Variants in KCNAB2 observed in about 807,000 individuals in gnomAD.
KCNAB2 encodes the protein potassium voltage-gated channel subfamily A regulatory beta subunit 2.
A neutral mutation model predicts 63.6 loss-of-function variants in KCNAB2; 29 were observed. That is an observed-to-expected ratio of 0.46 (90% CI 0.34 to 0.62). The LOEUF is 0.62. Among genes scored for constraint, KCNAB2 ranks in the 20% least tolerant of loss-of-function variants. The probability of loss-of-function intolerance (pLI) is 0.01; values close to 1 mark genes in which losing one functional copy is unlikely to be tolerated. For synonymous variants in KCNAB2, 222 were observed against 224.2 expected (o/e 0.99, Z 0.09); for missense variants, 359 against 563.9 (o/e 0.64, Z 3.68).
At chr1:6,085,032 G>A (rs549420047) in intron 5 of KCNAB2, among the ~76,000 whole-genome samples, 172 bp from the exon 6 acceptor site, 30 of 152,266 alleles carry the variant, frequency 2.0e-4, no homozygotes, top group Admixed American at 6.5e-4. Flanking sequence ...CCACTCCCTC[G>A]GGCCAACCCT....
intron 2 of KCNAB2, among the ~76,000 whole-genome samples, chr1:6,063,766 G>A (rs886621207): frequency 6.6e-6 from 1 of 152,162 alleles, no homozygotes; most frequent in African/African-American, 2.4e-5. Flanking sequence ...GCTACATCCT[G>A]TTTCTCCATT....
chr1:6,030,862 ATGTG>A (rs1490091076), upstream of KCNAB2, among the ~76,000 whole-genome samples: 2 of 145,972 alleles, frequency 1.4e-5, no homozygotes, highest in Non-Finnish European at 3.0e-5. Flanking sequence ...GTGTGTATGT[ATGTG>A]TAGGTGTGTG....
In KCNAB2 at chr1:6,051,627, A is replaced by G; in HGVS notation, c.91A>G (p.Thr31Ala). ...CCTGCACCCCGTCCGCCAGACGGACACGCTGGAACTGCAGCGGCTGCGGGA... is the reference window on the plus strand; with the variant it reads ...CCTGCACCCCGTCCGCCAGACGGACGCGCTGGAACTGCAGCGGCTGCGGGA... ...WALHPVRQTDTLELQRLREVR... is the reference protein window; with the variant it reads ...WALHPVRQTDALELQRLREVR... Residue 31 changes from threonine to alanine, a missense_variant, in exon 2 of 16, where the codon ACG (threonine) becomes GCG (alanine). Around this residue, in one of 2 missense-constraint regions of KCNAB2, gnomAD observed 88 missense variants for 87.8 expected, o/e 1.00. Transcript: ENST00000378083. The G allele has an allele frequency of 6.5e-7, 1 of 1,534,672 alleles. No individual in the cohort carries two copies. The highest frequency in any genetic ancestry group is 8.7e-7 in the Non-Finnish European group (1 of 1,146,672).
At chr1:6,029,067 G>T (rs1343721049) in intron 1 of KCNAB2, among the ~76,000 whole-genome samples, 1 of 152,100 alleles carries the variant, frequency 6.6e-6, no homozygotes, top group Non-Finnish European at 1.5e-5. Flanking sequence ...GGATCACAAG[G>T]TCAGGAGATC....
chr1:6,057,996 C>CA (rs1178260439), intron 2 of KCNAB2, among the ~76,000 whole-genome samples: 1 of 152,054 alleles, frequency 6.6e-6, no homozygotes, highest in South Asian at 2.1e-4. Context: ...ACAAAAAATG[C>CA]AAAAAATGGC....
chr1:6,001,823 C>T (rs1657280499), intron 1 of KCNAB2, among the ~76,000 whole-genome samples: 1 of 152,174 alleles, frequency 6.6e-6, no homozygotes, highest in African/African-American at 2.4e-5. Flanking sequence ...CCTCTAGGTT[C>T]TCTGAGTCTT....
chr1:6,030,627 ATG>A (rs200163414), upstream of KCNAB2, among the ~76,000 whole-genome samples: 512 of 144,086 alleles, frequency 3.6e-3, 3 homozygotes, highest in African/African-American at 0.013. Flanking sequence ...GTATGTGTGT[ATG>A]TGTGTGTAGG....
At chr1:6,005,667 C>T (rs903571911) in intron 1 of KCNAB2, among the ~76,000 whole-genome samples, 15 of 151,974 alleles carry the variant, frequency 9.9e-5, no homozygotes, top group South Asian at 2.1e-4. Flanking sequence ...TTTAGTGGCC[C>T]GGGGAGGCAC....
intron 1 of KCNAB2, among the ~76,000 whole-genome samples, chr1:6,020,220 G>T (rs900416794): frequency 6.6e-6 from 1 of 152,166 alleles, no homozygotes; most frequent in Admixed American, 6.5e-5. Flanking sequence ...TGATTCGGTC[G>T]TTGATCCTTA....
intron 2 of KCNAB2, among the ~76,000 whole-genome samples, chr1:6,068,902 G>A (rs1039902433): frequency 6.6e-6 from 1 of 152,200 alleles, no homozygotes; most frequent in Non-Finnish European, 1.5e-5. Context: ...CCAGTACCAG[G>A]CGCCACATTC....
intron 1 of KCNAB2, among the ~76,000 whole-genome samples, chr1:5,999,481 T>C (rs1245590361): frequency 6.6e-6 from 1 of 152,220 alleles, no homozygotes; most frequent in African/African-American, 2.4e-5. Context: ...TTTGTGATGG[T>C]TGAAAGCTCC....
Position 6,069,199 on chromosome 1 carries a change from C to G in KCNAB2, c.219-3556C>G, listed in dbSNP as rs1250318064. Among the ~76,000 whole-genome samples the G allele has an allele frequency of 6.6e-6, 1 of 152,244 alleles. No individual in the cohort carries two copies. Among genetic ancestry groups the G allele is most frequent in the Non-Finnish European group, 1.5e-5 (1 of 68,050 alleles). ...TCACTGCACGGAGCAGACAGGCGAG[C>G]AGGGCACTAACAGGAGCCACCCCAT... On this transcript the variant is annotated intron_variant, in intron 2 of 15. Transcript: ENST00000378083. This position sits in a 1 kb window ranked among gnomAD's most constrained non-coding sequence, Gnocchi z 5.4.
chr1:6,059,939 A>G (rs957979133), intron 2 of KCNAB2, among the ~76,000 whole-genome samples: 4 of 152,100 alleles, frequency 2.6e-5, no homozygotes, highest in African/African-American at 9.7e-5. Context: ...ACTCAGCCCA[A>G]CCACAGAATG....
intron 5 of KCNAB2, among the ~76,000 whole-genome samples, chr1:6,083,301 T>C (rs3789538): frequency 0.21 from 31,626 of 152,148 alleles, 3,469 homozygotes; most frequent in East Asian, 0.26. Context: ...CCCCACCTCT[T>C]CGCTGCCTGC....
intron 7 of KCNAB2, among the ~76,000 whole-genome samples, chr1:6,088,484 G>A (rs1664892207): frequency 6.6e-6 from 1 of 151,734 alleles, no homozygotes; most frequent in African/African-American, 2.4e-5. Context: ...CTGAGTTCAA[G>A]TAATCTGCCC....
intron 2 of KCNAB2, among the ~76,000 whole-genome samples, chr1:6,070,502 G>A (rs1240018872): frequency 6.6e-6 from 1 of 152,068 alleles, no homozygotes; most frequent in Non-Finnish European, 1.5e-5. Flanking sequence ...CAATTCAGAG[G>A]GTACTATCAA....
intron 1 of KCNAB2, among the ~76,000 whole-genome samples, chr1:6,026,921 A>AGGCGCGAAG (rs999168261): frequency 9.8e-5 from 15 of 152,296 alleles, no homozygotes; most frequent in African/African-American, 3.6e-4. Flanking sequence ...TCTGAGTGGA[A>AGGCGCGAAG]GGCGCGAAGG....
At chr1:6,089,101 C>CT in intron 8 of KCNAB2, 50 bp downstream of exon 8, 1 of 1,524,762 alleles carries the variant, frequency 6.6e-7, no homozygotes, top group Non-Finnish European at 8.9e-7. Context: ...TGGGATCATC[C>CT]TCGGAGGCCA....
chr1:6,010,424 C>T (rs569933533), intron 1 of KCNAB2, among the ~76,000 whole-genome samples: 101 of 152,128 alleles, frequency 6.6e-4, no homozygotes, highest in African/African-American at 2.3e-3. Context: ...GCAAGACCTC[C>T]GGCCCTTAAA....
Sources: gnomAD v4.1 joint callset for allele counts (sites outside exome capture counted in the v4.1 genomes callset) on GRCh38, gnomAD v4.1.1 for gene constraint, gnomAD v4.1.1 regional missense constraint, Gnocchi (gnomAD v3.1) non-coding constraint, MANE v1.5 for transcripts, NCBI Gene and HGNC (gene_info 2026-07-23, HGNC 2026-07-21) for gene names.